SPHKAP: variants seen among roughly 807,000 people sequenced by gnomAD.
SPHKAP encodes the protein A-kinase anchor protein SPHKAP.
In SPHKAP, 67 loss-of-function variants were observed where a neutral mutation model predicts 137.5. That is an observed-to-expected ratio of 0.49 (90% CI 0.40 to 0.60). The LOEUF (loss-of-function observed/expected upper bound fraction) is 0.60, where lower values mean the gene tolerates loss of function less well. Ranked by LOEUF, SPHKAP falls within the 20% of genes least tolerant of loss-of-function variation. The pLI, the probability that SPHKAP is intolerant of heterozygous loss-of-function variation, is 0.00. For missense variants in SPHKAP, 2,097 were observed against 2,069.3 expected (o/e 1.01, Z -0.26); for synonymous variants, 813 against 785.3 (o/e 1.04, Z -0.59).
At chr2:228,094,620 C>T (rs1407366318) in intron 3 of SPHKAP, among the ~76,000 whole-genome samples, 2 of 152,008 alleles carry the variant, frequency 1.3e-5, no homozygotes, top group Non-Finnish European at 2.9e-5. Context: ...TGGCATTTTG[C>T]GTGCCGTTTA....
chr2:228,129,863 C>T (rs1377029131), intron 2 of SPHKAP, among the ~76,000 whole-genome samples: 1 of 145,300 alleles, frequency 6.9e-6, no homozygotes. Context: ...ATGGCGTGAT[C>T]TTGGCTCACT....
rs1698864880 is a variant in SPHKAP at position 228,120,286 on chromosome 2, G to A, written c.139-11347C>T. On this transcript the variant is annotated intron_variant, in intron 2 of 11. Coordinates refer to ENST00000392056, the MANE Select transcript of SPHKAP (RefSeq NM_001142644.2). ...TAAACTAATTGTGTTTTTCTAGTAG[G>A]AGAGTCCTTATCTATGAAATGCTTT... 2.0e-5 allele frequency among the ~76,000 whole-genome samples: 3 copies of A among 152,142 alleles called. No homozygotes were observed. The South Asian group carries it at 6.2e-4, about 32-fold the overall frequency.
At chr2:228,115,913 G>A (rs934506552) in intron 2 of SPHKAP, among the ~76,000 whole-genome samples, 1 of 152,100 alleles carries the variant, frequency 6.6e-6, no homozygotes. Context: ...AGGTTAAAAG[G>A]GCTCTGCCCT....
intron 3 of SPHKAP, among the ~76,000 whole-genome samples, chr2:228,042,755 T>A (rs923071730): frequency 2.0e-5 from 3 of 152,258 alleles, no homozygotes; most frequent in African/African-American, 7.2e-5. Context: ...TGTTTAATTA[T>A]ATAAATGTTA....
rs749742512 is a variant in SPHKAP at position 228,132,005 on chromosome 2, C to T, written c.113G>A (p.Gly38Glu). 2 of 1,614,024 alleles carry T rather than the reference C, an allele frequency of 1.2e-6. No individual in the cohort carries two copies. Among genetic ancestry groups the T allele is most frequent in the Admixed American group, 1.7e-5 (1 of 60,000 alleles). Reference protein sequence around the residue: ...RGCGSSGSGPGNSITACKKVL... With the variant: ...RGCGSSGSGPENSITACKKVL... ...CTTCTTACAGGCTGTGATGGAGTTC[C>T]CCGGGCCGCTTCCTGAGCTGCCACA... The change falls in exon 2 of 12, where the codon GGG becomes GAG. Residue 38 changes from glycine (G) to glutamate (E), a missense_variant. By Grantham distance (98) the Gly-to-Glu change is moderately conservative (BLOSUM62 -2). Transcript: ENST00000392056.
At chr2:228,172,350 A>C (rs1263359403) in intron 1 of SPHKAP, among the ~76,000 whole-genome samples, 1 of 152,182 alleles carries the variant, frequency 6.6e-6, no homozygotes, top group Non-Finnish European at 1.5e-5. Flanking sequence ...CCTACAGGCC[A>C]TGGTATTTAT....
chr2:228,132,843 C>CAAAAAAAAAAAAAAAAAAAA (rs1313392929), intron 1 of SPHKAP, among the ~76,000 whole-genome samples: 6 of 126,300 alleles, frequency 4.8e-5, no homozygotes, highest in African/African-American at 8.6e-5. Context: ...ACTAAAAATA[C>CAAAAAAAAAAAAAAAAAAAA]AAAAAAAAAA....
chr2:227,991,186 T>A lies in SPHKAP; in HGVS notation c.4775-2A>T, dbSNP rs777104268. ...CCGTAGGCGGTCCAGATGCAGGTGC[T>A]GAGAACAGACACAACCACAGCCTTA... On this transcript the variant is annotated splice_acceptor_variant, in intron 10 of 11. Transcript: ENST00000392056. LOFTEE classifies it high-confidence loss of function. 1.2e-6 allele frequency: 2 copies of A among 1,614,000 alleles called. No individual in the cohort carries two copies. Among genetic ancestry groups the A allele is most frequent in the African/African-American group, 2.7e-5 (2 of 74,912 alleles).
At chr2:227,993,496 A>T (rs1337272277) in intron 9 of SPHKAP, 38 bp downstream of exon 9, 18 of 1,532,948 alleles carry the variant, frequency 1.2e-5, no homozygotes, top group Non-Finnish European at 1.6e-5. Context: ...GAATTGGAGT[A>T]GTGGTCTCAC....
intron 7 of SPHKAP, among the ~76,000 whole-genome samples, chr2:228,001,277 C>G (rs571697119): frequency 2.7e-4 from 25 of 92,470 alleles, no homozygotes; most frequent in African/African-American, 1.1e-3. Context: ...ATAAATATAT[C>G]TATACATATA....
chr2:228,134,234 G>GAGGGAGGAAGGAAGGA (rs369812126), intron 1 of SPHKAP, among the ~76,000 whole-genome samples: 1 of 141,314 alleles, frequency 7.1e-6, no homozygotes, highest in Non-Finnish European at 1.5e-5. Context: ...AGGAGGGAGG[G>GAGGGAGGAAGGAAGGA]AGGAAGGAAG....
At chr2:228,011,321 T>C (rs908612269) in intron 7 of SPHKAP, among the ~76,000 whole-genome samples, 4 of 151,986 alleles carry the variant, frequency 2.6e-5, no homozygotes, top group African/African-American at 9.7e-5. Context: ...CTTCAGGATG[T>C]GGAAGTCTGC....
In SPHKAP at chr2:228,019,073, T is replaced by C; in HGVS notation, c.1781A>G (p.Glu594Gly). 1 of 1,614,092 alleles carries C rather than the reference T, an allele frequency of 6.2e-7. No individual in the cohort carries two copies. The highest frequency in any genetic ancestry group is 8.5e-7 in the Non-Finnish European group (1 of 1,179,996). ...AAGTGGGGGCATGGCTTCAGAAGCC[T>C]CAGCTGCAGGCGGGAGGCTACCACT... Reference protein sequence around the residue: ...APSGSLPPAAEASEAMPPLCG... With the variant: ...APSGSLPPAAGASEAMPPLCG... Residue 594 changes from glutamate to glycine, a missense_variant, in exon 7 of 12, where the codon GAG (glutamate) becomes GGG (glycine). Physicochemically the swap from Glu to Gly is moderately conservative, Grantham distance 98 (BLOSUM62 -2). Transcript: ENST00000392056.
chr2:228,074,665 G>C (rs560459354), intron 3 of SPHKAP, among the ~76,000 whole-genome samples: 1 of 152,068 alleles, frequency 6.6e-6, no homozygotes, highest in Non-Finnish European at 1.5e-5. Flanking sequence ...ATCAGCCCAC[G>C]AGAAAATTAA....
At chr2:228,039,157 C>G (rs1695745370) in intron 3 of SPHKAP, among the ~76,000 whole-genome samples, 1 of 152,216 alleles carries the variant, frequency 6.6e-6, no homozygotes, top group African/African-American at 2.4e-5. Context: ...CTTACTGAGA[C>G]CATCTGCAGA....
intron 3 of SPHKAP, among the ~76,000 whole-genome samples, chr2:228,104,113 A>G (rs889468954): frequency 6.6e-6 from 1 of 151,132 alleles, no homozygotes; most frequent in African/African-American, 2.4e-5. Flanking sequence ...TTTTAAAGAA[A>G]AAAACACTAA....
At chr2:228,034,557 G>C (rs1375245715) in intron 3 of SPHKAP, among the ~76,000 whole-genome samples, 1 of 152,108 alleles carries the variant, frequency 6.6e-6, no homozygotes, top group Admixed American at 6.5e-5. Flanking sequence ...TGATACCAAA[G>C]CCTGACAGAG....
intron 1 of SPHKAP, among the ~76,000 whole-genome samples, chr2:228,178,639 T>TA (rs143390733): frequency 4.6e-4 from 70 of 151,452 alleles, no homozygotes; most frequent in Middle Eastern, 3.4e-3. Context: ...GATTTTAGAT[T>TA]AAAAAAAAAT....
intron 7 of SPHKAP, among the ~76,000 whole-genome samples, chr2:228,003,619 A>C (rs1574731375): frequency 6.6e-6 from 1 of 152,132 alleles, no homozygotes; most frequent in South Asian, 2.1e-4. Context: ...AGTGGTGAGA[A>C]AGGGCATCCC....
Sources: gnomAD v4.1 joint callset for allele counts (sites outside exome capture counted in the v4.1 genomes callset) on GRCh38, gnomAD v4.1.1 for gene constraint, MANE v1.5 for transcripts, NCBI Gene and HGNC (gene_info 2026-07-23, HGNC 2026-07-21) for gene names.